The following BIN3 variants were observed in gnomAD, a reference collection of about 807,000 sequenced individuals.
BIN3 encodes bridging integrator 3.
BIN3 carries 41 observed loss-of-function variants against 38.2 expected under a neutral mutation model. The ratio of observed to expected loss-of-function variants is 1.07; its 90% CI spans 0.84 to 1.39. BIN3 has a LOEUF of 1.39. Ranked by LOEUF, BIN3 falls within the 40% of genes most tolerant of loss-of-function variation. The pLI is 0.00. For missense variants in BIN3, 361 were observed against 324.3 expected (o/e 1.11, Z -0.87); for synonymous variants, 145 against 122.6 (o/e 1.18, Z -1.21).
At chr8:22,624,516 A>T in intron 6 of BIN3, 153 bp from the exon 7 acceptor site, 5 of 972,276 alleles carry the variant, frequency 5.1e-6, no homozygotes, top group Non-Finnish European at 7.5e-6. Context: ...ATGTGCCCTG[A>T]GCACCTACCA....
intron 1 of BIN3, among the ~76,000 whole-genome samples, chr8:22,668,190 A>G (rs1354103074): frequency 6.6e-6 from 1 of 152,206 alleles, no homozygotes; most frequent in African/African-American, 2.4e-5. Context: ...AACCTCTAAG[A>G]AAGCCCCAGG....
At chr8:22,633,951 A>G (rs776652101) in intron 4 of BIN3, among the ~76,000 whole-genome samples, 1 of 152,252 alleles carries the variant, frequency 6.6e-6, no homozygotes, top group Non-Finnish European at 1.5e-5. Flanking sequence ...AGGCTTCTGC[A>G]GTTACCCATT....
chr8:22,627,253 T>C (rs1802032195), intron 6 of BIN3, among the ~76,000 whole-genome samples: 1 of 152,098 alleles, frequency 6.6e-6, no homozygotes, highest in African/African-American at 2.4e-5. Flanking sequence ...CTTTCTACAT[T>C]CAGTGGGAAC....
At position 22,635,187 on chromosome 8, in the gene BIN3, C is replaced by T. The variant is rs181984210; in HGVS notation, c.160+1338G>A. On this transcript the variant is annotated intron_variant, in intron 4 of 8. Coordinates refer to ENST00000276416, the MANE Select transcript of BIN3 (RefSeq NM_018688.6). Reference sequence around the variant, plus strand: ...CCTTCAGGACTCTGCCCAGGGATCACGTCCCCACGAAGGCCTCCCTTGACC... The same window carrying T: ...CCTTCAGGACTCTGCCCAGGGATCATGTCCCCACGAAGGCCTCCCTTGACC... Among the ~76,000 whole-genome samples, 172 of 152,280 alleles carry T rather than the reference C, an allele frequency of 1.1e-3. 1 individual carries two copies. Among genetic ancestry groups the T allele is most frequent in the Non-Finnish European group, 1.7e-3 (114 of 68,026 alleles).
intron 1 of BIN3, among the ~76,000 whole-genome samples, chr8:22,653,595 A>G (rs1300872122): frequency 6.6e-6 from 1 of 152,062 alleles, no homozygotes; most frequent in African/African-American, 2.4e-5. Flanking sequence ...AAAACAGTAT[A>G]CTCCCAATTC....
intron 5 of BIN3, 49 bp from the exon 6 acceptor site, chr8:22,630,053 C>T (rs376572867): frequency 2.6e-5 from 41 of 1,550,338 alleles, no homozygotes; most frequent in African/African-American, 4.1e-5. Flanking sequence ...GAGGGGAGGG[C>T]GACACGCAAG....
intron 1 of BIN3, among the ~76,000 whole-genome samples, chr8:22,661,886 G>T (rs1585206382): frequency 6.6e-6 from 1 of 151,930 alleles, no homozygotes; most frequent in Admixed American, 6.6e-5. Flanking sequence ...CACCTCCCAG[G>T]TTCAAACGAT....
intron 2 of BIN3, among the ~76,000 whole-genome samples, chr8:22,638,541 A>G (rs1802443169): frequency 6.6e-6 from 1 of 152,194 alleles, no homozygotes; most frequent in African/African-American, 2.4e-5. Context: ...GGTGGTGGAG[A>G]TAAACAACTG....
chr8:22,658,966 T>TC (rs1000188686), intron 1 of BIN3, among the ~76,000 whole-genome samples: 4 of 152,108 alleles, frequency 2.6e-5, no homozygotes, highest in African/African-American at 7.2e-5. Context: ...GACAAGCCCC[T>TC]CCCCCGGGGC....
At chr8:22,641,291 T>C (rs1802551375) in intron 2 of BIN3, among the ~76,000 whole-genome samples, 4 of 152,160 alleles carry the variant, frequency 2.6e-5, no homozygotes. Context: ...CCCAGACGAC[T>C]ACCCGTGGCC....
At chr8:22,642,174 C>T (rs1033923251) in intron 2 of BIN3, among the ~76,000 whole-genome samples, 1 of 152,206 alleles carries the variant, frequency 6.6e-6, no homozygotes, top group Non-Finnish European at 1.5e-5. Context: ...AGCATTTCTT[C>T]CCATGACAGG....
chr8:22,663,581 C>T (rs1181925870), intron 1 of BIN3, among the ~76,000 whole-genome samples: 1 of 152,066 alleles, frequency 6.6e-6, no homozygotes, highest in Admixed American at 6.5e-5. Context: ...CTTCCCTGCT[C>T]AAAAGCCTTC....
Position 22,621,017 on chromosome 8 carries a change from A to C in BIN3, c.*405T>G, listed in dbSNP as rs1340605395. ...AAAGAGGTTTTGAAGTGAAAAGGCAACGAGGGGCCAGAGGGCTCCCCAGGA... is the reference window on the plus strand; with the variant it reads ...AAAGAGGTTTTGAAGTGAAAAGGCACCGAGGGGCCAGAGGGCTCCCCAGGA... On this transcript the variant is annotated 3_prime_UTR_variant, in exon 9 of 9. Transcript: ENST00000276416. The C allele has an allele frequency of 1.2e-5, 2 of 164,042 alleles. No individual in the cohort carries two copies. Among genetic ancestry groups the C allele is most frequent in the East Asian group, 3.6e-4 (2 of 5,618 alleles). The allele number at this position is 164,042 out of a possible 1,614,324, so 10.2% of individuals were successfully genotyped here.
At chr8:22,628,366 T>C (rs1393681499) in intron 6 of BIN3, among the ~76,000 whole-genome samples, 3 of 152,214 alleles carry the variant, frequency 2.0e-5, no homozygotes, top group East Asian at 3.8e-4. Flanking sequence ...GCTTCTCTTC[T>C]GGCAAGAGGA....
intron 4 of BIN3, among the ~76,000 whole-genome samples, chr8:22,633,465 G>T (rs1307889234): frequency 6.6e-6 from 1 of 152,204 alleles, no homozygotes; most frequent in Non-Finnish European, 1.5e-5. Flanking sequence ...AGAAAGTGAG[G>T]GTCTTGGACC....
chr8:22,624,078 T>G (rs1172205303), intron 7 of BIN3, 29 bp from the exon 8 acceptor site: 1 of 1,507,730 alleles, frequency 6.6e-7, no homozygotes, highest in Non-Finnish European at 9.1e-7. Context: ...GTGTCAAAAC[T>G]CTCTCACTGC....
At chr8:22,643,573 T>A (rs1045026030) in intron 2 of BIN3, among the ~76,000 whole-genome samples, 4 of 152,236 alleles carry the variant, frequency 2.6e-5, no homozygotes, top group African/African-American at 9.6e-5. Flanking sequence ...CCTTCCAAAG[T>A]GTTGGATTAC....
chr8:22,655,536 T>C (rs1803029058), intron 1 of BIN3, among the ~76,000 whole-genome samples: 1 of 152,238 alleles, frequency 6.6e-6, no homozygotes, highest in Non-Finnish European at 1.5e-5. Context: ...AAGATTATTC[T>C]TTTTCCGCTG....
chr8:22,649,230 A>C (rs146532760), intron 1 of BIN3, among the ~76,000 whole-genome samples: 3 of 152,312 alleles, frequency 2.0e-5, no homozygotes, highest in Admixed American at 6.5e-5. Flanking sequence ...GCCCAGGGCA[A>C]CCAGGACAAA....
Sources: gnomAD v4.1 joint callset for allele counts (sites outside exome capture counted in the v4.1 genomes callset) on GRCh38, gnomAD v4.1.1 for gene constraint, MANE v1.5 for transcripts, NCBI Gene and HGNC (gene_info 2026-07-23, HGNC 2026-07-21) for gene names.